DENND2B: variants seen among roughly 807,000 people sequenced by gnomAD.
The protein encoded by DENND2B is DENN domain containing 2B.
A neutral mutation model predicts 116.0 loss-of-function variants in DENND2B; 32 were observed. The ratio of observed to expected loss-of-function variants is 0.28; its 90% confidence interval spans 0.21 to 0.37. The LOEUF (loss-of-function observed/expected upper bound fraction) is 0.37. DENND2B is among the 10% of genes least tolerant of loss of function. The probability of loss-of-function intolerance (pLI) is 1.00; values close to 1 mark genes in which losing one functional copy is unlikely to be tolerated. For missense variants in DENND2B, 1,276 were observed against 1,477.7 expected (o/e 0.86, Z 2.24); for synonymous variants, 588 against 583.9 (o/e 1.01, Z -0.10).
At chr11:8,774,054 A>G in intron 1 of DENND2B, 9 of 956,590 alleles carry the variant, frequency 9.4e-6, no homozygotes, top group Non-Finnish European at 1.1e-5. Context: ...TGTAAAATGG[A>G]GAGAACAGTT....
chr11:8,862,774 G>C (rs1360303418), intron 2 of DENND2B, among the ~76,000 whole-genome samples: 1 of 152,134 alleles, frequency 6.6e-6, no homozygotes, highest in Non-Finnish European at 1.5e-5. Flanking sequence ...CAGGACCACA[G>C]CTCTTGATGT....
chr11:8,744,922 T>G (rs1013044225), intron 2 of DENND2B, among the ~76,000 whole-genome samples: 1 of 83,806 alleles, frequency 1.2e-5, no homozygotes, highest in Non-Finnish European at 2.4e-5. Flanking sequence ...CATCCAGACC[T>G]GATTTTTTTT....
At chr11:8,891,472 C>G (rs537928082) in intron 1 of DENND2B, among the ~76,000 whole-genome samples, 109 of 152,308 alleles carry the variant, frequency 7.2e-4, no homozygotes, top group Non-Finnish European at 8.8e-4. Context: ...CAAGACCCAT[C>G]AGTGTGCTGT....
intron 19 of DENND2B, among the ~76,000 whole-genome samples, chr11:8,695,181 A>T (rs920990428): frequency 2.6e-5 from 4 of 152,262 alleles, no homozygotes; most frequent in African/African-American, 9.6e-5. Flanking sequence ...ATATGCAAAT[A>T]CTATGCCATT....
At chr11:8,863,161 A>G (rs1207270081) in intron 2 of DENND2B, among the ~76,000 whole-genome samples, 1 of 151,814 alleles carries the variant, frequency 6.6e-6, no homozygotes, top group African/African-American at 2.4e-5. Flanking sequence ...AAAAATAAGT[A>G]AGTAAATTAA....
intron 1 of DENND2B, chr11:8,757,100 C>T (rs527888298): frequency 5.5e-5 from 25 of 456,244 alleles, no homozygotes; most frequent in Middle Eastern, 3.3e-4. Context: ...TCGCAGGCCC[C>T]GAGGGGCAGT....
intron 4 of DENND2B, among the ~76,000 whole-genome samples, chr11:8,827,296 G>A (rs949575472): frequency 1.4e-4 from 21 of 152,184 alleles, no homozygotes; most frequent in African/African-American, 4.1e-4. Context: ...ACTGTCCCCC[G>A]CACAGCTAGT....
chr11:8,888,830 T>G (rs1475639527), intron 1 of DENND2B, among the ~76,000 whole-genome samples: 4 of 152,198 alleles, frequency 2.6e-5, no homozygotes, highest in African/African-American at 9.7e-5. Context: ...TCAACATCAC[T>G]AATCATTACG....
At chr11:8,694,563 C>A (rs2039992024) in intron 19 of DENND2B, 1 of 457,802 alleles carries the variant, frequency 2.2e-6, no homozygotes, top group Non-Finnish European at 4.4e-6. Flanking sequence ...TATGTGGGAA[C>A]CTGGGATTCC....
At chr11:8,756,987 C>A (rs759774846) in intron 1 of DENND2B, 14 of 454,810 alleles carry the variant, frequency 3.1e-5, no homozygotes, top group African/African-American at 6.0e-5. Context: ...ACAGCTCTGA[C>A]AAATTATAGA....
chr11:8,770,979 A>G (rs997458668), intron 1 of DENND2B, among the ~76,000 whole-genome samples: 2 of 152,140 alleles, frequency 1.3e-5, no homozygotes, highest in African/African-American at 4.8e-5. Flanking sequence ...CATGTTAGAC[A>G]CCTTTCTGTG....
chr11:8,706,963 C>T, intron 13 of DENND2B, 122 bp downstream of exon 13: 3 of 1,289,252 alleles, frequency 2.3e-6, no homozygotes, highest in Non-Finnish European at 3.2e-6. Flanking sequence ...ATGGGGTACA[C>T]AGACATGGTT....
At position 8,693,903 on chromosome 11, in the gene DENND2B, A is replaced by T; in HGVS notation, c.*193T>A. 1 of 543,124 alleles carries T rather than the reference A, an allele frequency of 1.8e-6. No homozygotes were observed. Among genetic ancestry groups the T allele is most frequent in the Non-Finnish European group, 3.2e-6 (1 of 310,560 alleles). The allele number at this position is 543,124 out of a possible 1,614,324, so 33.6% of individuals were successfully genotyped here. A position where few individuals can be genotyped will look rare whatever the true frequency, so the allele number is the denominator to read the frequency against. Reference sequence around the variant, plus strand: ...ATATTCTCTTTGCTTGTTACAAAAAACAGTTAAGAAAGCTTACAGCAGATT... The same window carrying T: ...ATATTCTCTTTGCTTGTTACAAAAATCAGTTAAGAAAGCTTACAGCAGATT... On this transcript the variant is annotated 3_prime_UTR_variant, in exon 20 of 20. Transcript: ENST00000313726.
chr11:8,845,939 C>T (rs2062797024), intron 3 of DENND2B, among the ~76,000 whole-genome samples: 1 of 152,022 alleles, frequency 6.6e-6, no homozygotes, highest in East Asian at 1.9e-4. Flanking sequence ...GTCTAGAAAC[C>T]AAAAATACAC....
chr11:8,896,356 A>C lies in DENND2B; in HGVS notation c.-256+14465T>G, dbSNP rs537736119. On this transcript the variant is annotated intron_variant, in intron 1 of 22. Transcript: ENST00000534127. ...TAAGAGAGTCCAGAATTATATCACA[A>C]AAAAGGTTAGGAGGAATATAAAATT... is the stretch of plus-strand genomic sequence containing the variant. Among the ~76,000 whole-genome samples, 12 of 152,328 alleles carry C rather than the reference A, an allele frequency of 7.9e-5. No individual in the cohort carries two copies. The South Asian group carries it at 2.3e-3, about 29-fold the overall frequency.
intron 3 of DENND2B, among the ~76,000 whole-genome samples, chr11:8,850,970 G>GA (rs1466978158): frequency 6.6e-6 from 1 of 152,104 alleles, no homozygotes; most frequent in Non-Finnish European, 1.5e-5. Flanking sequence ...GCCGAATCTA[G>GA]AAAAGTTGAA....
At chr11:8,776,158 G>GCACA (rs756959704) in intron 1 of DENND2B, 99 of 338,572 alleles carry the variant, frequency 2.9e-4, no homozygotes, top group African/African-American at 1.3e-3. Flanking sequence ...ACGCGCGCGC[G>GCACA]CGCACACACA....
At chr11:8,858,041 G>C (rs1473018364) in intron 2 of DENND2B, among the ~76,000 whole-genome samples, 1 of 152,162 alleles carries the variant, frequency 6.6e-6, no homozygotes, top group African/African-American at 2.4e-5. Flanking sequence ...ATTCAACCAA[G>C]ATTTCTGAGC....
intron 2 of DENND2B, among the ~76,000 whole-genome samples, chr11:8,749,378 G>A (rs761545643): frequency 1.3e-5 from 2 of 152,230 alleles, no homozygotes; most frequent in Admixed American, 6.5e-5. Context: ...GGCAAGGGGT[G>A]TTCCTATCAG....
Sources: allele counts gnomAD v4.1 joint callset (sites outside exome capture counted in the v4.1 genomes callset), GRCh38; gene constraint gnomAD v4.1.1; transcripts MANE v1.5; gene names NCBI Gene and HGNC (gene_info 2026-07-23, HGNC 2026-07-21).